C1orf105: variants seen among roughly 807,000 people sequenced by gnomAD.
The protein encoded by C1orf105 is uncharacterized protein C1orf105.
C1orf105 carries 17 observed loss-of-function variants against 20.8 expected under a neutral mutation model. The observed-to-expected ratio is 0.82, with a 90% CI of 0.56 to 1.23. The LOEUF (loss-of-function observed/expected upper bound fraction) is 1.23. Among genes scored for constraint, C1orf105 ranks in the 50% most tolerant of loss-of-function variants. C1orf105 has a pLI of 0.00. For missense variants in C1orf105, 219 were observed against 213.5 expected, an observed-to-expected ratio of 1.03 and a Z score of -0.16; for synonymous variants, 72 against 72.1, an observed-to-expected ratio of 1.00 and a Z score of 0.01.
Position 172,454,439 on chromosome 1 carries a change from ATC to A in C1orf105, c.199-1975_199-1974del, listed in dbSNP as rs1392705530. Among the ~76,000 whole-genome samples the A allele has an allele frequency of 2.5e-4, 38 of 151,978 alleles. 1 individual carries two copies. The highest frequency in any genetic ancestry group is 8.2e-4 in the African/African-American group (34 of 41,430). On this transcript the variant is annotated intron_variant, in intron 3 of 6. Coordinates refer to ENST00000367727, the MANE Select transcript of C1orf105 (RefSeq NM_139240.4). The stretch of plus-strand genomic sequence containing the variant: ...GGGAGGAGCTGGAGCTTCAGGGGAT[ATC>A]ACCCCCAGGGGTATCAGGAAGACAT...
chr1:172,452,514 GAGAA>G (rs1346248148), intron 3 of C1orf105, among the ~76,000 whole-genome samples: 1 of 152,214 alleles, frequency 6.6e-6, no homozygotes, highest in African/African-American at 2.4e-5. Context: ...GTGTAAGAGA[GAGAA>G]AGAAAGGGAG....
chr1:172,463,856 A>T (rs1208955733), intron 5 of C1orf105, among the ~76,000 whole-genome samples: 1 of 152,164 alleles, frequency 6.6e-6, no homozygotes, highest in East Asian at 1.9e-4. Flanking sequence ...CATGAGATTG[A>T]TTGTTGTATT....
At chr1:172,437,852 T>C (rs1003459055) in intron 1 of C1orf105, among the ~76,000 whole-genome samples, 29 of 152,056 alleles carry the variant, frequency 1.9e-4, no homozygotes, top group African/African-American at 6.5e-4. Context: ...AAGCCTTCTA[T>C]TGGAAGGTGC....
intron 1 of C1orf105, among the ~76,000 whole-genome samples, chr1:172,431,800 ATTGCTCAAGAGG>A (rs1229561423): frequency 1.3e-5 from 2 of 152,228 alleles, no homozygotes; most frequent in African/African-American, 4.8e-5. Flanking sequence ...CCTCACCTGG[ATTGCTCAAGAGG>A]TTGGGGGATT....
intron 1 of C1orf105, among the ~76,000 whole-genome samples, chr1:172,426,473 C>T (rs1478929397): frequency 6.6e-6 from 1 of 152,098 alleles, no homozygotes; most frequent in Non-Finnish European, 1.5e-5. Context: ...TCCAGTGATA[C>T]TCCTGTTTTA....
chr1:172,456,459 G>C lies in C1orf105; in HGVS notation c.243G>C (p.Gln81His), dbSNP rs760271685. The change falls in exon 4 of 7, where the codon CAG (glutamine) becomes CAC (histidine). Residue 81 changes from glutamine (Q) to histidine (H), a missense_variant. Gln to His is a conservative substitution (Grantham distance 24, BLOSUM62 0). Transcript: ENST00000367727. Reference sequence around the variant, plus strand: ...ACTCCATGCTGCTCAGAAACCAACAGCTGTGCTCCACATGTCAAGAAATGA... The same window carrying C: ...ACTCCATGCTGCTCAGAAACCAACACCTGTGCTCCACATGTCAAGAAATGA... Reference protein sequence around the residue: ...QCDSMLLRNQQLCSTCQEMKM... With the variant: ...QCDSMLLRNQHLCSTCQEMKM... The C allele has an allele frequency of 1.1e-5, 18 of 1,613,452 alleles. No homozygotes were observed. Among genetic ancestry groups the C allele is most frequent in the Non-Finnish European group, 1.4e-5 (17 of 1,180,044 alleles).
chr1:172,441,352 TACACACACACACACACACACAC>T lies in C1orf105; in HGVS notation c.22-3702_22-3681del, dbSNP rs55669322. Reference sequence around the variant, plus strand: ...TGAAAAGGGTAGAAAGAAGTGACTTTACACACACACACACACACACACACACACACACACACACACTTACTTC... The same window carrying T: ...TGAAAAGGGTAGAAAGAAGTGACTTTACACACACACACACACACTTACTTC... On this transcript the variant is annotated intron_variant, in intron 1 of 6. Transcript: ENST00000367727. The T allele has an allele frequency of 2.6e-4, 41 of 156,932 alleles. 1 individual carries two copies. The highest frequency in any genetic ancestry group is 1.8e-4 in the East Asian group (1 of 5,544). 9.7% of individuals were successfully genotyped at this position (156,932 alleles called of 1,614,324 possible).
chr1:172,461,065 G>C (rs917153783), intron 4 of C1orf105, among the ~76,000 whole-genome samples: 11 of 152,186 alleles, frequency 7.2e-5, no homozygotes, highest in African/African-American at 2.7e-4. Context: ...AAAGCAGTCT[G>C]TCTCTGGCAC....
chr1:172,459,083 A>G (rs962039899), intron 4 of C1orf105, among the ~76,000 whole-genome samples: 7 of 152,188 alleles, frequency 4.6e-5, no homozygotes, highest in Admixed American at 4.6e-4. Flanking sequence ...CTAAAACCAT[A>G]AAACTCTTAG....
At chr1:172,456,387 A>G (rs778949941) in intron 3 of C1orf105, 28 bp from the exon 4 acceptor site, 16 of 1,596,168 alleles carry the variant, frequency 1.0e-5, no homozygotes, top group Middle Eastern at 1.7e-4. Flanking sequence ...CCATTTCCTC[A>G]CCTCTCTCTG....
chr1:172,461,969 A>G (rs1014382678), intron 4 of C1orf105, among the ~76,000 whole-genome samples: 15 of 152,306 alleles, frequency 9.8e-5, no homozygotes, highest in Admixed American at 3.3e-4. Context: ...GATTTACTAA[A>G]TCTGTGTATC....
chr1:172,457,717 C>T (rs1043072791), intron 4 of C1orf105, among the ~76,000 whole-genome samples: 8 of 152,196 alleles, frequency 5.3e-5, no homozygotes, highest in Non-Finnish European at 1.0e-4. Flanking sequence ...CATCAGCAGC[C>T]ATCCTCTTTC....
chr1:172,465,174 A>G, intron 5 of C1orf105, 125 bp from the exon 6 acceptor site: 6 of 330,864 alleles, frequency 1.8e-5, no homozygotes, highest in South Asian at 1.2e-4. Context: ...CAAGCGCAAA[A>G]ACTCCATCTC....
chr1:172,421,574 G>A (rs1289406227), intron 1 of C1orf105, among the ~76,000 whole-genome samples: 1 of 152,088 alleles, frequency 6.6e-6, no homozygotes, highest in Admixed American at 6.6e-5. Flanking sequence ...TCCTAAGTTG[G>A]GGAGGACGCA....
intron 1 of C1orf105, among the ~76,000 whole-genome samples, chr1:172,425,720 T>C (rs1169516328): frequency 6.6e-6 from 1 of 152,184 alleles, no homozygotes; most frequent in Non-Finnish European, 1.5e-5. Flanking sequence ...TTTGTGATAT[T>C]ATCCCCAAAA....
At chr1:172,463,372 A>G (rs1456923820) in intron 5 of C1orf105, among the ~76,000 whole-genome samples, 4 of 152,218 alleles carry the variant, frequency 2.6e-5, no homozygotes, top group Non-Finnish European at 5.9e-5. Flanking sequence ...ACAATGGTAC[A>G]TGTCCTGATT....
chr1:172,430,944 TG>T (rs1332707181), intron 1 of C1orf105: 1 of 428,006 alleles, frequency 2.3e-6, no homozygotes, highest in Non-Finnish European at 4.1e-6. Flanking sequence ...GCAATTGTTT[TG>T]GGGTACCACA....
chr1:172,449,465 A>G (rs1648369653), intron 3 of C1orf105, among the ~76,000 whole-genome samples: 2 of 152,202 alleles, frequency 1.3e-5, no homozygotes, highest in Non-Finnish European at 2.9e-5. Context: ...ACTGTTTTCA[A>G]GTGGAGGGAA....
At chr1:172,426,388 GC>G (rs1476888340) in intron 1 of C1orf105, among the ~76,000 whole-genome samples, 6 of 152,118 alleles carry the variant, frequency 3.9e-5, no homozygotes, top group African/African-American at 1.2e-4. Flanking sequence ...CCTATGTGTT[GC>G]TTTTAACTAC....
Sources: gnomAD v4.1 joint callset for allele counts (sites outside exome capture counted in the v4.1 genomes callset) on GRCh38, gnomAD v4.1.1 for gene constraint, MANE v1.5 for transcripts, NCBI Gene and HGNC (gene_info 2026-07-23, HGNC 2026-07-21) for gene names.